The following ZNF804B variants were observed in gnomAD, a reference collection of about 807,000 sequenced individuals.
ZNF804B encodes the protein zinc finger 804B.
ZNF804B carries 80 observed loss-of-function variants against 101.4 expected under a neutral mutation model. The ratio of observed to expected loss-of-function variants is 0.79; its 90% CI spans 0.66 to 0.95. The LOEUF (loss-of-function observed/expected upper bound fraction) is 0.95, where lower values mean the gene tolerates loss of function less well. Ranked by LOEUF, ZNF804B falls within the 40% of genes least tolerant of loss-of-function variation. ZNF804B has a pLI of 0.00. For missense variants in ZNF804B, 1,673 were observed against 1,561.9 expected, an observed-to-expected ratio of 1.07 and a Z score of -1.20; for synonymous variants, 622 against 558.8, an observed-to-expected ratio of 1.11 and a Z score of -1.59.
At chr7:89,082,426 T>C (rs1381764723) in intron 1 of ZNF804B, among the ~76,000 whole-genome samples, 3 of 151,708 alleles carry the variant, frequency 2.0e-5, no homozygotes, top group Non-Finnish European at 4.4e-5. Context: ...TAATGTTCTC[T>C]ATTTTCCATT....
At chr7:88,887,525 G>A (rs1792146401) in intron 1 of ZNF804B, among the ~76,000 whole-genome samples, 1 of 152,166 alleles carries the variant, frequency 6.6e-6, no homozygotes, top group Admixed American at 6.5e-5. Context: ...TTATTGAACA[G>A]GGAGTCTTTT....
At chr7:89,277,389 A>G (rs1789999006) in intron 2 of ZNF804B, among the ~76,000 whole-genome samples, 1 of 144,456 alleles carries the variant, frequency 6.9e-6, no homozygotes, top group Non-Finnish European at 1.5e-5. Context: ...CAGGTTAGTT[A>G]CATATTTATA....
At chr7:89,171,288 G>GCTGCTGCGT (rs1215246589) in intron 1 of ZNF804B, among the ~76,000 whole-genome samples, 33 of 82,550 alleles carry the variant, frequency 4.0e-4, no homozygotes, top group African/African-American at 1.5e-3. Flanking sequence ...TGCTGCTGCT[G>GCTGCTGCGT]CTTCTTCTTC....
chr7:89,237,377 C>A (rs1189609310), intron 2 of ZNF804B, among the ~76,000 whole-genome samples: 4 of 152,134 alleles, frequency 2.6e-5, no homozygotes, highest in African/African-American at 7.2e-5. Context: ...TCACATCATT[C>A]ATCCTTACTG....
intron 2 of ZNF804B, among the ~76,000 whole-genome samples, chr7:89,255,961 C>G (rs142421580): frequency 1.4e-3 from 210 of 152,080 alleles, no homozygotes; most frequent in Middle Eastern, 6.8e-3. Context: ...AATTAGCAAA[C>G]TGCAAATTAA....
At chr7:88,950,886 T>A (rs1793208078) in intron 1 of ZNF804B, among the ~76,000 whole-genome samples, 1 of 151,114 alleles carries the variant, frequency 6.6e-6, no homozygotes, top group Admixed American at 6.7e-5. Context: ...AAAATTTCCA[T>A]TGAACCTTAA....
intron 2 of ZNF804B, among the ~76,000 whole-genome samples, chr7:89,284,833 A>G (rs1401527540): frequency 6.6e-6 from 1 of 152,158 alleles, no homozygotes; most frequent in Non-Finnish European, 1.5e-5. Context: ...GATTAAAAAA[A>G]AAATCAAGAT....
chr7:88,831,580 A>T (rs1194041449), intron 1 of ZNF804B, among the ~76,000 whole-genome samples: 1 of 151,964 alleles, frequency 6.6e-6, no homozygotes, highest in Admixed American at 6.6e-5. Flanking sequence ...ACAAAAAAAA[A>T]ATTGAAAGAT....
chr7:89,182,933 T>C (rs538930864), intron 1 of ZNF804B, among the ~76,000 whole-genome samples: 1 of 152,174 alleles, frequency 6.6e-6, no homozygotes, highest in Non-Finnish European at 1.5e-5. Flanking sequence ...CTGGAATGAA[T>C]GCATTATCTG....
At chr7:89,137,927 T>A (rs1790660752) in intron 1 of ZNF804B, among the ~76,000 whole-genome samples, 1 of 152,036 alleles carries the variant, frequency 6.6e-6, no homozygotes, top group Admixed American at 6.6e-5. Flanking sequence ...TCTAGGGACT[T>A]GGTGCCCTGT....
In ZNF804B at chr7:89,219,983, ATGTGTGCATATATG is replaced by A. The variant is rs1562920171; in HGVS notation, c.249+1690_249+1703del. On this transcript the variant is annotated intron_variant, in intron 2 of 3. Coordinates refer to ENST00000333190, the MANE Select transcript of ZNF804B (RefSeq NM_181646.5). ...TGTGTGCATATATATGTATATACAT[ATGTGTGCATATATG>A]TATATGCACATATATGTGTGTATAC... is the stretch of plus-strand genomic sequence containing the variant. Among the ~76,000 whole-genome samples the A allele has an allele frequency of 3.4e-3, 491 of 143,380 alleles. 122 individuals carry two copies. The highest frequency in any genetic ancestry group is 0.012 in the African/African-American group (442 of 38,122). 94.1% of individuals were successfully genotyped at this position (143,380 alleles called of 152,430 possible).
intron 2 of ZNF804B, among the ~76,000 whole-genome samples, chr7:89,318,964 T>A (rs38957): frequency 0.29 from 43,932 of 152,054 alleles, 7,662 homozygotes; most frequent in East Asian, 0.7. Context: ...AAATTAACTA[T>A]AAGTATTCCT....
At chr7:89,035,822 GA>G (rs1788916497) in intron 1 of ZNF804B, among the ~76,000 whole-genome samples, 1 of 147,888 alleles carries the variant, frequency 6.8e-6, no homozygotes, top group Admixed American at 6.9e-5. Flanking sequence ...TAGGGTATGG[GA>G]AAAATAATAT....
intron 1 of ZNF804B, among the ~76,000 whole-genome samples, chr7:89,053,977 A>T (rs1789251922): frequency 6.6e-6 from 1 of 152,004 alleles, no homozygotes; most frequent in Non-Finnish European, 1.5e-5. Context: ...CAATTACAGT[A>T]CTCATATATG....
chr7:88,965,299 C>G (rs1292613880), intron 1 of ZNF804B, among the ~76,000 whole-genome samples: 5 of 151,302 alleles, frequency 3.3e-5, no homozygotes, highest in Non-Finnish European at 7.4e-5. Context: ...AAGAGATTCT[C>G]TCTTTTGTTT....
intron 1 of ZNF804B, among the ~76,000 whole-genome samples, chr7:89,119,880 T>A (rs1490202715): frequency 6.6e-6 from 1 of 152,220 alleles, no homozygotes; most frequent in African/African-American, 2.4e-5. Flanking sequence ...GTTTGTTTGT[T>A]TATCTAACAT....
chr7:88,873,840 G>A (rs554680149), intron 1 of ZNF804B, among the ~76,000 whole-genome samples: 69 of 152,122 alleles, frequency 4.5e-4, no homozygotes, highest in African/African-American at 1.6e-3. Context: ...TCTTTGTTTT[G>A]GTACCAGTAC....
At chr7:88,868,860 T>C (rs1360748363) in intron 1 of ZNF804B, among the ~76,000 whole-genome samples, 2 of 152,244 alleles carry the variant, frequency 1.3e-5, no homozygotes, top group Admixed American at 6.5e-5. Context: ...TGTCAGTTCC[T>C]CCTGGGAGAA....
At chr7:89,169,110 C>T (rs1248493589) in intron 1 of ZNF804B, among the ~76,000 whole-genome samples, 1 of 152,170 alleles carries the variant, frequency 6.6e-6, no homozygotes, top group Admixed American at 6.5e-5. Flanking sequence ...GAACCTTTAG[C>T]TGGATTGGGA....
Sources: gnomAD v4.1 joint callset for allele counts (sites outside exome capture counted in the v4.1 genomes callset) on GRCh38, gnomAD v4.1.1 for gene constraint, MANE v1.5 for transcripts, NCBI Gene and HGNC (gene_info 2026-07-23, HGNC 2026-07-21) for gene names.